Variants in MYO1D observed in about 807,000 individuals in gnomAD.
The protein encoded by MYO1D is myosin ID, also known as unconventional myosin-Id.
In MYO1D, 83 loss-of-function variants were observed where a neutral mutation model predicts 122.0. The observed-to-expected ratio is 0.68, with a 90% CI of 0.57 to 0.82. The LOEUF (loss-of-function observed/expected upper bound fraction) is 0.82. Ranked by LOEUF, MYO1D falls within the 40% of genes least tolerant of loss-of-function variation. MYO1D has a pLI of 0.00. For synonymous variants in MYO1D, 464 were observed against 446.9 expected, an observed-to-expected ratio of 1.04 and a Z score of -0.48; for missense variants, 1,157 against 1,269.5, an observed-to-expected ratio of 0.91 and a Z score of 1.35.
intron 21 of MYO1D, among the ~76,000 whole-genome samples, chr17:32,546,397 T>C (rs1327155437): frequency 6.6e-6 from 1 of 152,202 alleles, no homozygotes; most frequent in African/African-American, 2.4e-5. Context: ...GCTCCATAAT[T>C]ACTGTCACCC....
intron 16 of MYO1D, among the ~76,000 whole-genome samples, chr17:32,705,386 A>G (rs2150982995): frequency 6.6e-6 from 1 of 152,176 alleles, no homozygotes; most frequent in Non-Finnish European, 1.5e-5. Context: ...CAGCCTCCTG[A>G]GTAGCTGGGA....
At chr17:32,564,857 T>C (rs1158504880) in intron 21 of MYO1D, among the ~76,000 whole-genome samples, 1 of 152,216 alleles carries the variant, frequency 6.6e-6, no homozygotes, top group Non-Finnish European at 1.5e-5. Flanking sequence ...TTGTGGTCAC[T>C]GTTACAAAGG....
Position 32,797,276 on chromosome 17 carries a change from T to A in MYO1D, c.96-16492A>T, listed in dbSNP as rs545947783. Among the ~76,000 whole-genome samples the A allele has an allele frequency of 2.3e-4, 35 of 152,342 alleles. No homozygotes were observed. The South Asian group carries it at 7.0e-3, about 31-fold the overall frequency. Reference sequence around the variant, plus strand: ...AAGCCATCACACCTGGCCTGCTGCATCACTTTTCTAAAAACATAGTTTCTT... The same window carrying A: ...AAGCCATCACACCTGGCCTGCTGCAACACTTTTCTAAAAACATAGTTTCTT... On this transcript the variant is annotated intron_variant, in intron 1 of 21. Coordinates refer to ENST00000318217, the MANE Select transcript of MYO1D (RefSeq NM_015194.3).
At chr17:32,722,733 T>C (rs769402466) in intron 14 of MYO1D, among the ~76,000 whole-genome samples, 43 of 152,226 alleles carry the variant, frequency 2.8e-4, no homozygotes, top group African/African-American at 3.6e-4. Context: ...GGGATGACTA[T>C]GGTATAGTAA....
intron 21 of MYO1D, among the ~76,000 whole-genome samples, chr17:32,517,874 G>A (rs375229428): frequency 1.3e-5 from 2 of 152,248 alleles, no homozygotes; most frequent in African/African-American, 4.8e-5. Context: ...GTGAAGGAGC[G>A]GCTGAGCCCC....
At chr17:32,728,541 A>G (rs910220658) in intron 14 of MYO1D, among the ~76,000 whole-genome samples, 2 of 152,244 alleles carry the variant, frequency 1.3e-5, no homozygotes, top group Non-Finnish European at 1.5e-5. Flanking sequence ...AAACATATAC[A>G]TAAAGCAAAT....
At chr17:32,564,725 G>A (rs969621498) in intron 21 of MYO1D, among the ~76,000 whole-genome samples, 6 of 152,176 alleles carry the variant, frequency 3.9e-5, no homozygotes, top group Non-Finnish European at 8.8e-5. Flanking sequence ...ACAAAGAGCT[G>A]GAAGCCCTTC....
intron 12 of MYO1D, among the ~76,000 whole-genome samples, chr17:32,748,232 T>C (rs1242867773): frequency 6.6e-6 from 1 of 152,222 alleles, no homozygotes; most frequent in Non-Finnish European, 1.5e-5. Flanking sequence ...TAAAATAATA[T>C]TTGGAAAATA....
At chr17:32,851,033 G>A (rs1171519420) in intron 1 of MYO1D, among the ~76,000 whole-genome samples, 1 of 151,968 alleles carries the variant, frequency 6.6e-6, no homozygotes, top group Non-Finnish European at 1.5e-5. Context: ...AACTCAGGTT[G>A]ACCAATTGGA....
At chr17:32,749,058 A>G in intron 11 of MYO1D, 52 bp from the exon 12 acceptor site, 4 of 1,442,252 alleles carry the variant, frequency 2.8e-6, no homozygotes, top group Non-Finnish European at 2.9e-6. Flanking sequence ...TTGCTTTCCT[A>G]AAAATATATT....
rs569249570 is a variant in MYO1D, at chr17:32,495,358, A to C, written c.2865-443T>G. ...CTCCTGGCTGGTCCCTGCCTGTCAC[A>C]CCCCGGCTGGTGGAAGTGGGCCTGA... On this transcript the variant is annotated intron_variant, in intron 21 of 21. Transcript: ENST00000318217. 2.6e-5 allele frequency among the ~76,000 whole-genome samples: 4 copies of C among 152,214 alleles called. No individual in the cohort carries two copies. In the South Asian group the frequency reaches 8.3e-4, roughly 32 times the overall value.
At chr17:32,820,346 C>T (rs2090649553) in intron 1 of MYO1D, among the ~76,000 whole-genome samples, 1 of 152,146 alleles carries the variant, frequency 6.6e-6, no homozygotes, top group South Asian at 2.1e-4. Context: ...TCACATTAGT[C>T]TCAAGATACG....
chr17:32,638,068 A>G (rs2088130262), intron 20 of MYO1D, among the ~76,000 whole-genome samples: 1 of 152,234 alleles, frequency 6.6e-6, no homozygotes, highest in Admixed American at 6.5e-5. Flanking sequence ...AAAAGATCCA[A>G]TATTCCGGTA....
At chr17:32,785,795 G>A (rs913483665) in intron 1 of MYO1D, among the ~76,000 whole-genome samples, 1 of 152,014 alleles carries the variant, frequency 6.6e-6, no homozygotes, top group Non-Finnish European at 1.5e-5. Context: ...TTTTTCTGCT[G>A]ATCTCTAAAT....
At chr17:32,643,105 C>T (rs934302517) in intron 19 of MYO1D, among the ~76,000 whole-genome samples, 3 of 152,258 alleles carry the variant, frequency 2.0e-5, no homozygotes, top group East Asian at 1.9e-4. Context: ...CCATCAATAC[C>T]TAATTTATTT....
intron 16 of MYO1D, among the ~76,000 whole-genome samples, chr17:32,662,296 C>G (rs1007543104): frequency 6.6e-6 from 1 of 152,124 alleles, no homozygotes; most frequent in Non-Finnish European, 1.5e-5. Flanking sequence ...AAAATGTTGT[C>G]TGTTTCTTGA....
At chr17:32,673,401 G>A (rs113661411) in intron 16 of MYO1D, among the ~76,000 whole-genome samples, 2,030 of 151,978 alleles carry the variant, frequency 0.013, 23 homozygotes, top group Middle Eastern at 0.017. Context: ...ACTGTGCCCC[G>A]CCAACATGCT....
chr17:32,774,915 T>C (rs1381848070), intron 4 of MYO1D, among the ~76,000 whole-genome samples: 2 of 152,172 alleles, frequency 1.3e-5, no homozygotes, highest in South Asian at 2.1e-4. Context: ...GAATTCAAGG[T>C]GGAGACTTGA....
intron 1 of MYO1D, among the ~76,000 whole-genome samples, chr17:32,784,031 T>C (rs138288909): frequency 6.6e-6 from 1 of 152,230 alleles, no homozygotes; most frequent in Admixed American, 6.5e-5. Context: ...ATAACAACAA[T>C]ATAGTATGAT....
Sources: allele counts gnomAD v4.1 joint callset (sites outside exome capture counted in the v4.1 genomes callset), GRCh38; gene constraint gnomAD v4.1.1; transcripts MANE v1.5; gene names NCBI Gene and HGNC (gene_info 2026-07-23, HGNC 2026-07-21).